The following FIG4 variants were observed in gnomAD, a reference collection of about 807,000 sequenced individuals.
The protein encoded by FIG4 is FIG4 phosphoinositide 5-phosphatase, also known as polyphosphoinositide phosphatase.
A neutral mutation model predicts 118.6 loss-of-function variants in FIG4; 112 were observed. The ratio of observed to expected loss-of-function variants is 0.94; its 90% CI spans 0.81 to 1.11. The LOEUF (loss-of-function observed/expected upper bound fraction) is 1.11. Among genes scored for constraint, FIG4 ranks in the 50% least tolerant of loss-of-function variants. The pLI is 0.00. For synonymous variants in FIG4, 369 were observed against 381.2 expected (o/e 0.97, Z 0.37); for missense variants, 969 against 1,111.7 (o/e 0.87, Z 1.83).
At chr6:109,785,640 C>T (rs560152081) in intron 17 of FIG4, 3 of 470,292 alleles carry the variant, frequency 6.4e-6, no homozygotes, top group South Asian at 4.7e-5. Flanking sequence ...CTCCCCTGAC[C>T]TTGAGCAAGC....
At chr6:109,797,667 G>T (rs1278062696) in intron 22 of FIG4, among the ~76,000 whole-genome samples, 1 of 152,028 alleles carries the variant, frequency 6.6e-6, no homozygotes, top group African/African-American at 2.4e-5. Context: ...AAGTTGAGAT[G>T]GGTGGATCAC....
At chr6:109,707,437 A>T (rs2128379630) in intron 1 of FIG4, among the ~76,000 whole-genome samples, 1 of 148,912 alleles carries the variant, frequency 6.7e-6, no homozygotes, top group Non-Finnish European at 1.5e-5. Context: ...ATACATATAT[A>T]TACATATATA....
chr6:109,756,801 A>T (rs1776921321), intron 10 of FIG4, among the ~76,000 whole-genome samples: 1 of 152,274 alleles, frequency 6.6e-6, no homozygotes, highest in South Asian at 2.1e-4. Context: ...TCCTTTAAGC[A>T]CTTCTCTGTA....
At chr6:109,727,286 C>CTTTTT in intron 4 of FIG4, 21 bp downstream of exon 4, 2 of 1,347,976 alleles carry the variant, frequency 1.5e-6, no homozygotes, top group Non-Finnish European at 2.1e-6. Context: ...TGGTAACTAC[C>CTTTTT]TTTTTTTTTT....
chr6:109,764,405 T>C (rs1235818419), intron 13 of FIG4, among the ~76,000 whole-genome samples: 1 of 148,776 alleles, frequency 6.7e-6, no homozygotes, highest in Non-Finnish European at 1.5e-5. Flanking sequence ...GCCACTGCAC[T>C]CCAGCCTGGG....
At chr6:109,821,035 A>C (rs1042856974) in intron 22 of FIG4, among the ~76,000 whole-genome samples, 1 of 152,180 alleles carries the variant, frequency 6.6e-6, no homozygotes, top group African/African-American at 2.4e-5. Context: ...ATTCAATACC[A>C]GGGGAGTGCA....
chr6:109,720,120 A>G (rs1217352783), intron 3 of FIG4, among the ~76,000 whole-genome samples: 4 of 152,222 alleles, frequency 2.6e-5, no homozygotes, highest in African/African-American at 7.2e-5. Flanking sequence ...AAGTAAGACA[A>G]TAACGTACTG....
chr6:109,764,107 T>A, intron 13 of FIG4, 125 bp downstream of exon 13: 1 of 700,628 alleles, frequency 1.4e-6, no homozygotes, highest in Non-Finnish European at 2.5e-6. Flanking sequence ...TGAGAATGAT[T>A]GTTAAAAGCC....
intron 8 of FIG4, among the ~76,000 whole-genome samples, chr6:109,741,938 C>T (rs1380637688): frequency 6.6e-6 from 1 of 152,028 alleles, no homozygotes; most frequent in Non-Finnish European, 1.5e-5. Context: ...CATCGTAGGC[C>T]TAACTACATT....
At chr6:109,782,972 A>T (rs904397103) in intron 16 of FIG4, among the ~76,000 whole-genome samples, 2 of 152,210 alleles carry the variant, frequency 1.3e-5, no homozygotes, top group Non-Finnish European at 2.9e-5. Flanking sequence ...CTCACTGCTG[A>T]GCATCAAGAC....
chr6:109,705,950 T>C (rs11969234), intron 1 of FIG4, among the ~76,000 whole-genome samples: 3,216 of 152,340 alleles, frequency 0.021, 101 homozygotes, highest in African/African-American at 0.074. Flanking sequence ...GCCATTTTTC[T>C]ATGTGCTTAC....
intron 10 of FIG4, among the ~76,000 whole-genome samples, chr6:109,750,627 T>C (rs1467632657): frequency 6.6e-6 from 1 of 152,150 alleles, no homozygotes. Flanking sequence ...AGTGAGACCC[T>C]GTCTCTTTAT....
At chr6:109,710,244 T>C (rs1008863624) in intron 1 of FIG4, among the ~76,000 whole-genome samples, 1 of 152,234 alleles carries the variant, frequency 6.6e-6, no homozygotes, top group African/African-American at 2.4e-5. Flanking sequence ...TCTGTTTATA[T>C]GGTGAGTCAC....
intron 6 of FIG4, 118 bp downstream of exon 6, chr6:109,735,416 G>C: frequency 2.1e-6 from 2 of 971,202 alleles, no homozygotes; most frequent in Admixed American, 1.8e-5. Context: ...TTGTCCTTAC[G>C]TGGGGTTGTT....
At chr6:109,721,091 A>G (rs1428725360) in intron 3 of FIG4, among the ~76,000 whole-genome samples, 1 of 152,126 alleles carries the variant, frequency 6.6e-6, no homozygotes, top group Admixed American at 6.5e-5. Context: ...CTAAGCCTCT[A>G]GTATGTTGAA....
intron 22 of FIG4, among the ~76,000 whole-genome samples, chr6:109,810,976 C>T (rs1778703851): frequency 6.6e-6 from 1 of 152,140 alleles, no homozygotes; most frequent in African/African-American, 2.4e-5. Context: ...TCCAAGGATA[C>T]TCTTGTGTTG....
intron 2 of FIG4, among the ~76,000 whole-genome samples, chr6:109,715,936 G>C (rs1775415829): frequency 6.6e-6 from 1 of 152,112 alleles, no homozygotes; most frequent in Admixed American, 6.5e-5. Flanking sequence ...AATAATTTTA[G>C]ATAAATTCTT....
At chr6:109,779,969 A>G (rs993189268) in intron 16 of FIG4, among the ~76,000 whole-genome samples, 1 of 152,182 alleles carries the variant, frequency 6.6e-6, no homozygotes. Flanking sequence ...GGGAAAATAT[A>G]TGGAAAGTAC....
Position 109,715,148 on chromosome 6 carries a change from C to T in FIG4, c.137C>T (p.Pro46Leu), listed in dbSNP as rs1562642404. 1 of 1,605,608 alleles carries T rather than the reference C, an allele frequency of 6.2e-7. No homozygotes were observed. Among genetic ancestry groups the T allele is most frequent in the Non-Finnish European group, 8.5e-7 (1 of 1,172,996 alleles). The change falls in exon 2 of 23, where the codon CCA (proline) becomes CTA (leucine). Residue 46 changes from proline to leucine, a missense_variant. Physicochemically the swap from Pro to Leu is moderately conservative, Grantham distance 98. This residue lies in a region of FIG4 where 393 missense variants were observed against 409.4 expected (regional missense o/e 0.96). Transcript: ENST00000230124. The stretch of plus-strand genomic sequence containing the variant: ...GTCTTGAAGATTGATAGAACAGAAC[C>T]AAAAGATTTGGTCATAATTGATGAC... ...YRVLKIDRTE[P>L]KDLVIIDDRH... is the part of the protein sequence containing the mutation.
Sources: allele counts gnomAD v4.1 joint callset (sites outside exome capture counted in the v4.1 genomes callset), GRCh38; gene constraint gnomAD v4.1.1; regional missense constraint gnomAD v4.1.1; transcripts MANE v1.5; gene names NCBI Gene and HGNC (gene_info 2026-07-23, HGNC 2026-07-21).